Variants in LARGE1 observed in about 807,000 individuals in gnomAD.
The protein encoded by LARGE1 is xylosyl- and glucuronyltransferase LARGE1.
A neutral mutation model predicts 87.6 loss-of-function variants in LARGE1; 43 were observed. That is an observed-to-expected ratio of 0.49 (90% CI 0.38 to 0.63). LARGE1 has a LOEUF of 0.63. Ranked by LOEUF, LARGE1 falls within the 30% of genes least tolerant of loss-of-function variation. LARGE1 has a pLI of 0.00. For synonymous variants in LARGE1, 434 were observed against 394.6 expected (o/e 1.10, Z -1.18); for missense variants, 802 against 1,000.2 (o/e 0.80, Z 2.67).
the LARGE1 span, among the ~76,000 whole-genome samples, chr22:33,114,045 A>ATTTTTTTTTTT: frequency 0.32 from 42,992 of 133,996 alleles, 7,271 homozygotes; most frequent in African/African-American, 0.39. Context: ...TAATTTTTCT[A>ATTTTTTTTTTT]TTTTTTTTTT....
chr22:33,297,795 C>G (rs1933526529), intron 12 of LARGE1, among the ~76,000 whole-genome samples: 1 of 151,674 alleles, frequency 6.6e-6, no homozygotes, highest in South Asian at 2.1e-4. Context: ...GCCTGGCCAA[C>G]ATGGTGAAAC....
At chr22:33,546,013 G>T (rs900168282) in intron 6 of LARGE1, among the ~76,000 whole-genome samples, 1 of 152,110 alleles carries the variant, frequency 6.6e-6, no homozygotes, top group African/African-American at 2.4e-5. Flanking sequence ...CTCGGTTTTG[G>T]TTCCTCCAAA....
chr22:33,078,779 G>A, the LARGE1 span, among the ~76,000 whole-genome samples: 20 of 152,326 alleles, frequency 1.3e-4, no homozygotes, highest in African/African-American at 4.1e-4. Flanking sequence ...ATGACTTAGT[G>A]TGAAATTTGT....
chr22:33,398,715 G>A (rs1475875742), intron 7 of LARGE1, among the ~76,000 whole-genome samples: 1 of 152,160 alleles, frequency 6.6e-6, no homozygotes, highest in African/African-American at 2.4e-5. Context: ...TCAACATGAG[G>A]TCATAGTGGA....
At chr22:33,312,438 C>CAAAA (rs370832626) in intron 11 of LARGE1, among the ~76,000 whole-genome samples, 6 of 56,408 alleles carry the variant, frequency 1.1e-4, no homozygotes, top group South Asian at 6.4e-4. Flanking sequence ...GACTCTGTCT[C>CAAAA]AAAAAAAAAA....
chr22:33,297,465 T>C (rs983928340), intron 12 of LARGE1, among the ~76,000 whole-genome samples: 2 of 150,236 alleles, frequency 1.3e-5, no homozygotes, highest in Admixed American at 6.6e-5. Flanking sequence ...CAAAAAAAAT[T>C]AGCCAGGTGT....
At chr22:33,483,944 G>A (rs1369113393) in intron 6 of LARGE1, among the ~76,000 whole-genome samples, 3 of 152,204 alleles carry the variant, frequency 2.0e-5, no homozygotes, top group Non-Finnish European at 4.4e-5. Context: ...TTTGGAAGGT[G>A]AGATGCGTGA....
intron 9 of LARGE1, among the ~76,000 whole-genome samples, chr22:33,365,385 T>C (rs929140363): frequency 6.6e-6 from 1 of 152,246 alleles, no homozygotes; most frequent in African/African-American, 2.4e-5. Flanking sequence ...ATAGTATCAC[T>C]CTTCCAATTT....
intron 9 of LARGE1, among the ~76,000 whole-genome samples, chr22:33,375,087 G>A (rs1237049416): frequency 1.3e-5 from 2 of 152,148 alleles, no homozygotes; most frequent in African/African-American, 4.8e-5. Flanking sequence ...TACTAATCAA[G>A]CTCAAGCAGA....
the LARGE1 span, among the ~76,000 whole-genome samples, chr22:33,152,587 T>C: frequency 1.3e-5 from 2 of 152,120 alleles, no homozygotes; most frequent in Non-Finnish European, 2.9e-5. Context: ...AATTTTTTAA[T>C]GGTTAAATTT....
At chr22:33,130,313 C>CAAAAAAAAAAAAAAAAAAAAAAAAA in the LARGE1 span, among the ~76,000 whole-genome samples, 10 of 57,002 alleles carry the variant, frequency 1.8e-4, no homozygotes, top group South Asian at 7.1e-4. Flanking sequence ...GATTCCGTCT[C>CAAAAAAAAAAAAAAAAAAAAAAAAA]AAAAAAAAAA....
intron 1 of LARGE1, among the ~76,000 whole-genome samples, chr22:33,838,617 T>TC (rs1422445524): frequency 6.6e-6 from 1 of 152,136 alleles, no homozygotes; most frequent in East Asian, 1.9e-4. Flanking sequence ...CTCCACCCTG[T>TC]CCCCAGCAAA....
chr22:33,710,783 G>C (rs923610343), intron 2 of LARGE1, among the ~76,000 whole-genome samples: 3 of 152,186 alleles, frequency 2.0e-5, no homozygotes, highest in Admixed American at 6.5e-5. Context: ...CTACACATTA[G>C]AGAAGGAAAT....
chr22:33,812,049 A>G (rs1050444425), intron 1 of LARGE1, among the ~76,000 whole-genome samples: 2 of 152,244 alleles, frequency 1.3e-5, no homozygotes, highest in Admixed American at 6.5e-5. Flanking sequence ...CCTTGGGTAT[A>G]TAACAATGCA....
At chr22:33,703,366 A>T (rs967374756) in intron 2 of LARGE1, among the ~76,000 whole-genome samples, 9 of 152,038 alleles carry the variant, frequency 5.9e-5, no homozygotes, top group Non-Finnish European at 7.4e-5. Flanking sequence ...AAAAAAAAAA[A>T]AAAAATAAAA....
At chr22:33,901,321 T>C (rs2065277130) in intron 1 of LARGE1, among the ~76,000 whole-genome samples, 1 of 152,182 alleles carries the variant, frequency 6.6e-6, no homozygotes, top group Non-Finnish European at 1.5e-5. Context: ...TAATGTCTGT[T>C]GTTTTAGGTC....
At chr22:33,391,031 C>T (rs1348378808) in intron 7 of LARGE1, among the ~76,000 whole-genome samples, 1 of 152,106 alleles carries the variant, frequency 6.6e-6, no homozygotes, top group African/African-American at 2.4e-5. Context: ...CAGGGTTACA[C>T]TATGTTGGCC....
intron 7 of LARGE1, among the ~76,000 whole-genome samples, chr22:33,417,030 C>T (rs2066524657): frequency 6.6e-6 from 1 of 150,684 alleles, no homozygotes; most frequent in African/African-American, 2.5e-5. Flanking sequence ...CTTCAGCCTC[C>T]CGAGTAGCTG....
the LARGE1 span, among the ~76,000 whole-genome samples, chr22:33,129,419 T>A: frequency 1.3e-5 from 2 of 152,178 alleles, no homozygotes; most frequent in Non-Finnish European, 2.9e-5. Context: ...CTGGTGAAAT[T>A]GCAATAAGGT....
Sources: allele counts gnomAD v4.1 joint callset (sites outside exome capture counted in the v4.1 genomes callset), GRCh38; gene constraint gnomAD v4.1.1; transcripts MANE v1.5; gene names NCBI Gene and HGNC (gene_info 2026-07-23, HGNC 2026-07-21).